Variants in SUPT20HL2 observed in about 807,000 individuals in gnomAD.
The protein encoded by SUPT20HL2 is SUPT20H like 2.
For missense variants in SUPT20HL2, 288 were observed against 127.4 expected, an observed-to-expected ratio of 2.26 and a Z score of -6.07; for synonymous variants, 125 against 51.6, an observed-to-expected ratio of 2.42 and a Z score of -6.10.
Position 24,312,611 on chromosome X carries a change from C to G in SUPT20HL2, c.705G>C (p.Met235Ile), listed in dbSNP as rs1404626492. 7.8e-6 allele frequency: 3 copies of G among 385,360 alleles called. No individual in the cohort carries two copies. Among genetic ancestry groups the G allele is most frequent in the Non-Finnish European group, 1.6e-5 (3 of 192,402 alleles). The allele number at this position is 385,360 out of a possible 1,213,427, so 31.8% of individuals were successfully genotyped here. A position where few individuals can be genotyped will look rare whatever the true frequency, so the allele number is the denominator to read the frequency against. ...ACGAATACCTCTGGAGGCACTGTTCCATCGGGTCGGTATTCATCTTTTGCT... is the reference window on the plus strand; with the variant it reads ...ACGAATACCTCTGGAGGCACTGTTCGATCGGGTCGGTATTCATCTTTTGCT... ...YNKQKMNTDP[M>I]EQCLQRYSWP... Residue 235 changes from methionine (M) to isoleucine (I), a missense_variant, in exon 1 of 1, where the codon ATG (methionine) becomes ATC (isoleucine). Coordinates refer to ENST00000486479, the MANE Select transcript of SUPT20HL2 (RefSeq NM_001136233.3).
rs1172345610 is a variant in SUPT20HL2 at position 24,309,084 on chromosome X, C to T, written c.*1778G>A. 1.8e-5 allele frequency among the ~76,000 whole-genome samples: 2 copies of T among 110,942 alleles called. No individual in the cohort carries two copies. Among genetic ancestry groups the T allele is most frequent in the Non-Finnish European group, 3.8e-5 (2 of 52,691 alleles). On this transcript the variant is annotated 3_prime_UTR_variant, in exon 1 of 1. Coordinates refer to ENST00000486479, the MANE Select transcript of SUPT20HL2 (RefSeq NM_001136233.3). ...ATGTCACGCTAGTGCTTAATGGGTA[C>T]AGAGATTGCTTGGTGGGTGATGAAA...
Position 24,313,859 on chromosome X carries a change from G to T in SUPT20HL2, c.-544C>A. The T allele has an allele frequency of 2.8e-6, 1 of 363,203 alleles. No individual in the cohort carries two copies. The highest frequency in any genetic ancestry group is 5.3e-6 in the Non-Finnish European group (1 of 189,060). 29.9% of individuals were successfully genotyped at this position (363,203 alleles called of 1,213,427 possible). ...TGAAAACATCGGTACCTGAGGGGTCGTCGTCGTGGTCGGACTTCGCGTCTC... is the reference window on the plus strand; with the variant it reads ...TGAAAACATCGGTACCTGAGGGGTCTTCGTCGTGGTCGGACTTCGCGTCTC... On this transcript the variant is annotated 5_prime_UTR_variant, in exon 1 of 1. Coordinates refer to ENST00000486479, the MANE Select transcript of SUPT20HL2 (RefSeq NM_001136233.3).
chrX:24,311,861 T>A lies in SUPT20HL2; in HGVS notation c.1455A>T (p.Ala485=), dbSNP rs1240298871. 1 of 348,019 alleles carries A rather than the reference T, an allele frequency of 2.9e-6. No homozygotes were observed. The highest frequency in any genetic ancestry group is 5.8e-6 in the Non-Finnish European group (1 of 173,161). The allele number at this position is 348,019 out of a possible 1,213,427, so 28.7% of individuals were successfully genotyped here. The change falls in exon 1 of 1, where the codon GCA becomes GCT. Residue 485 remains alanine, a synonymous_variant. Coordinates refer to ENST00000486479, the MANE Select transcript of SUPT20HL2 (RefSeq NM_001136233.3). ...GAAATGGACGCTTAAGAGGGCTGCC[T>A]GCCTGTTGTGGGGGAAAACTGTTAC... ...SSGNSFPPQQ[A]GSPLKRPFPA... is the part of the protein sequence containing the mutation.
Position 24,313,340 on chromosome X carries a change from G to C in SUPT20HL2, c.-25C>G. On this transcript the variant is annotated 5_prime_UTR_variant, in exon 1 of 1. Transcript: ENST00000486479. ...TTGTAACAGAAAACAGGGCCCCTAAGAGGAGAGAAAACGCATGTGCGTTGG... is the reference window on the plus strand; with the variant it reads ...TTGTAACAGAAAACAGGGCCCCTAACAGGAGAGAAAACGCATGTGCGTTGG... The C allele has an allele frequency of 3.0e-6, 1 of 336,666 alleles. No homozygotes were observed. Among genetic ancestry groups the C allele is most frequent in the Middle Eastern group, 4.8e-4 (1 of 2,092 alleles). 27.7% of individuals were successfully genotyped at this position (336,666 alleles called of 1,213,427 possible). A position where few individuals can be genotyped will look rare whatever the true frequency, so the allele number is the denominator to read the frequency against.
In SUPT20HL2 at chrX:24,310,341, G is replaced by A. The variant is rs1939111420; in HGVS notation, c.*521C>T. On this transcript the variant is annotated 3_prime_UTR_variant, in exon 1 of 1. Coordinates refer to ENST00000486479, the MANE Select transcript of SUPT20HL2 (RefSeq NM_001136233.3). Reference sequence around the variant, plus strand: ...ATGGGCATGAGTTTCAGTGTTGCAAGATGGTCTTGAGATCTGCGGCACAAC... The same window carrying A: ...ATGGGCATGAGTTTCAGTGTTGCAAAATGGTCTTGAGATCTGCGGCACAAC... Among the ~76,000 whole-genome samples the A allele has an allele frequency of 8.9e-6, 1 of 112,027 alleles. No individual in the cohort carries two copies. Among genetic ancestry groups the A allele is most frequent in the Admixed American group, 9.4e-5 (1 of 10,591 alleles).
rs777189848 is a variant in SUPT20HL2 at position 24,311,728 on chromosome X, C to A, written c.1588G>T (p.Ala530Ser). The change falls in exon 1 of 1, where the codon GCA becomes TCA. Residue 530 changes from alanine to serine, a missense_variant. Physicochemically the swap from Ala to Ser is moderately conservative, Grantham distance 99 (BLOSUM62 1). Coordinates refer to ENST00000486479, the MANE Select transcript of SUPT20HL2 (RefSeq NM_001136233.3). ...GAGGGCTTCTGAGAATGGCTTGGTG[C>A]CGCCCCACCGGCCGCCGCCGCCACA... is the stretch of plus-strand genomic sequence containing the variant. ...AAVAAAAGGA[A>S]PSHSQKPSVP... The A allele has an allele frequency of 2.2e-5, 8 of 360,855 alleles. No individual in the cohort carries two copies. Among genetic ancestry groups the A allele is most frequent in the South Asian group, 1.5e-4 (6 of 40,340 alleles). 29.7% of individuals were successfully genotyped at this position (360,855 alleles called of 1,213,427 possible). A position where few individuals can be genotyped will look rare whatever the true frequency, so the allele number is the denominator to read the frequency against.
At position 24,309,745 on chromosome X, in the gene SUPT20HL2, A is replaced by AT. The variant is rs1569195701; in HGVS notation, c.*1116_*1117insA. Among the ~76,000 whole-genome samples the AT allele has an allele frequency of 1.2e-4, 6 of 49,297 alleles. No homozygotes were observed. Among genetic ancestry groups the AT allele is most frequent in the African/African-American group, 5.0e-4 (6 of 11,896 alleles). The allele number at this position is 49,297 out of a possible 115,157, so 42.8% of individuals were successfully genotyped here. Reference sequence around the variant, plus strand: ...AAAAATAATAAAAATAAAAAAAAAAAGAAAAAAAAAAAAAAAAAAAAAAAC... The same window carrying AT: ...AAAAATAATAAAAATAAAAAAAAAAATGAAAAAAAAAAAAAAAAAAAAAAAC... On this transcript the variant is annotated 3_prime_UTR_variant, in exon 1 of 1. Coordinates refer to ENST00000486479, the MANE Select transcript of SUPT20HL2 (RefSeq NM_001136233.3).
Position 24,311,140 on chromosome X carries a change from C to CCTGGGG in SUPT20HL2, c.2170_2175dup (p.Pro724_Gln725dup), listed in dbSNP as rs1939120338. On this transcript the variant is annotated inframe_insertion, in exon 1 of 1. Transcript: ENST00000486479. ...GAGCCAAGCAGACTCAACACAGCAG[C>CCTGGGG]CTGGGGCTGGGGCTGCAGACCACTA... The CCTGGGG allele has an allele frequency of 2.7e-6, 1 of 372,318 alleles. No homozygotes were observed. The allele number at this position is 372,318 out of a possible 1,213,427, so 30.7% of individuals were successfully genotyped here.
Position 24,310,114 on chromosome X carries a change from A to T in SUPT20HL2, c.*748T>A, listed in dbSNP as rs1255322095. ...TTATGTACAGTGAGACCATTTTTAAAAAGCAATGACCTTCACATCACATGA... is the reference window on the plus strand; with the variant it reads ...TTATGTACAGTGAGACCATTTTTAATAAGCAATGACCTTCACATCACATGA... On this transcript the variant is annotated 3_prime_UTR_variant, in exon 1 of 1. Coordinates refer to ENST00000486479, the MANE Select transcript of SUPT20HL2 (RefSeq NM_001136233.3). Among the ~76,000 whole-genome samples the T allele has an allele frequency of 8.9e-6, 1 of 111,916 alleles. No homozygotes were observed. Among genetic ancestry groups the T allele is most frequent in the Non-Finnish European group, 1.9e-5 (1 of 53,247 alleles).
rs754730029 is a variant in SUPT20HL2, at chrX:24,310,929, C to A, written c.2387G>T (p.Gly796Val). The A allele has an allele frequency of 7.7e-6, 3 of 387,126 alleles. No homozygotes were observed. The highest frequency in any genetic ancestry group is 1.6e-5 in the Non-Finnish European group (3 of 192,594). The allele number at this position is 387,126 out of a possible 1,213,427, so 31.9% of individuals were successfully genotyped here. A position where few individuals can be genotyped will look rare whatever the true frequency, so the allele number is the denominator to read the frequency against. The change falls in exon 1 of 1, where the codon GGT becomes GTT. Residue 796 changes from glycine to valine, a missense_variant. Transcript: ENST00000486479. ...GAVQIVQPHPGVQAGSQLVGQ... is the reference protein window; with the variant it reads ...GAVQIVQPHPVVQAGSQLVGQ... ...TACCAACTGGCTCCCTGCTTGCACA[C>A]CTGGATGTGGCTGCACTATCTGAAC...
chrX:24,310,358 C>T lies in SUPT20HL2; in HGVS notation c.*504G>A, dbSNP rs183502843. ...TGTTGCAAGATGGTCTTGAGATCTG[C>T]GGCACAACCGTGGGGGTGGACTTAA... On this transcript the variant is annotated 3_prime_UTR_variant, in exon 1 of 1. Transcript: ENST00000486479. Among the ~76,000 whole-genome samples the T allele has an allele frequency of 1.4e-3, 161 of 111,939 alleles. No homozygotes were observed. The highest frequency in any genetic ancestry group is 4.4e-3 in the African/African-American group (135 of 30,810).
Position 24,312,650 on chromosome X carries a change from C to T in SUPT20HL2, c.666G>A (p.Arg222=), listed in dbSNP as rs773520432. 2.6e-6 allele frequency: 1 copy of T among 386,807 alleles called. No individual in the cohort carries two copies. Among genetic ancestry groups the T allele is most frequent in the Non-Finnish European group, 5.2e-6 (1 of 192,559 alleles). The allele number at this position is 386,807 out of a possible 1,213,427, so 31.9% of individuals were successfully genotyped here. Residue 222 remains arginine (R), a synonymous_variant, in exon 1 of 1, where the codon AGG becomes AGA. Coordinates refer to ENST00000486479, the MANE Select transcript of SUPT20HL2 (RefSeq NM_001136233.3). The part of the protein sequence containing the change: ...PSVAVACTAN[R]LLYNKQKMNT... The stretch of plus-strand genomic sequence containing the variant: ...TCATCTTTTGCTTGTTGTACAGCAG[C>T]CTGTTTGCAGTGCAGGCAACTGCTA...
In SUPT20HL2 at chrX:24,313,745, G is replaced by C. The variant is rs1289939227; in HGVS notation, c.-430C>G. 1 of 360,254 alleles carries C rather than the reference G, an allele frequency of 2.8e-6. No individual in the cohort carries two copies. The highest frequency in any genetic ancestry group is 5.3e-6 in the Non-Finnish European group (1 of 187,294). 29.7% of individuals were successfully genotyped at this position (360,254 alleles called of 1,213,427 possible). On this transcript the variant is annotated 5_prime_UTR_variant, in exon 1 of 1. Transcript: ENST00000486479. ...TGCGGCCTGGAACAGAAGTGAGCGG[G>C]AGGGCCGTGGTCAGCTTCTAGGCGC... is the stretch of plus-strand genomic sequence containing the variant.
Position 24,312,612 on chromosome X carries a change from A to C in SUPT20HL2, c.704T>G (p.Met235Arg). The C allele has an allele frequency of 2.6e-6, 1 of 386,834 alleles. No homozygotes were observed. The highest frequency in any genetic ancestry group is 2.5e-5 in the African/African-American group (1 of 39,699). 31.9% of individuals were successfully genotyped at this position (386,834 alleles called of 1,213,427 possible). A position where few individuals can be genotyped will look rare whatever the true frequency, so the allele number is the denominator to read the frequency against. Residue 235 changes from methionine (M) to arginine (R), a missense_variant, in exon 1 of 1, where the codon ATG (methionine) becomes AGG (arginine). Physicochemically the swap from Met to Arg is moderately conservative, Grantham distance 91. Coordinates refer to ENST00000486479, the MANE Select transcript of SUPT20HL2 (RefSeq NM_001136233.3). ...YNKQKMNTDP[M>R]EQCLQRYSWP... Reference sequence around the variant, plus strand: ...CGAATACCTCTGGAGGCACTGTTCCATCGGGTCGGTATTCATCTTTTGCTT... The same window carrying C: ...CGAATACCTCTGGAGGCACTGTTCCCTCGGGTCGGTATTCATCTTTTGCTT...
rs1569195686 is a variant in SUPT20HL2, at chrX:24,309,725, T to TAAAAAAAAAAAAAAAAAAAAAA, written c.*1136_*1137insTTTTTTTTTTTTTTTTTTTTTT. 5.9e-5 allele frequency among the ~76,000 whole-genome samples: 1 copy of TAAAAAAAAAAAAAAAAAAAAAA among 16,879 alleles called. No individual in the cohort carries two copies. Among genetic ancestry groups the TAAAAAAAAAAAAAAAAAAAAAA allele is most frequent in the Non-Finnish European group, 9.2e-5 (1 of 10,863 alleles). 14.7% of individuals were successfully genotyped at this position (16,879 alleles called of 115,157 possible). ...AAAATTAAAAAAAAAAAGAAAAAAA[T>TAAAAAAAAAAAAAAAAAAAAAA]AATAAAAATAAAAAAAAAAAGAAAA... On this transcript the variant is annotated 3_prime_UTR_variant, in exon 1 of 1. Coordinates refer to ENST00000486479, the MANE Select transcript of SUPT20HL2 (RefSeq NM_001136233.3).
rs191290686 is a variant in SUPT20HL2 at position 24,308,439 on chromosome X, A to G, written c.*2423T>C. 8.7e-4 allele frequency: 256 copies of G among 295,295 alleles called. No individual in the cohort carries two copies. Among genetic ancestry groups the G allele is most frequent in the Non-Finnish European group, 1.5e-3 (231 of 151,933 alleles). The allele number at this position is 295,295 out of a possible 1,213,427, so 24.3% of individuals were successfully genotyped here. A position where few individuals can be genotyped will look rare whatever the true frequency, so the allele number is the denominator to read the frequency against. ...TCATTGCACTCGTTCGCCTCTTAAA[A>G]GTGCAGGCACCATTCCCAATTATGT... is the stretch of plus-strand genomic sequence containing the variant. On this transcript the variant is annotated 3_prime_UTR_variant, in exon 1 of 1. Coordinates refer to ENST00000486479, the MANE Select transcript of SUPT20HL2 (RefSeq NM_001136233.3).
chrX:24,313,442 A>G lies in SUPT20HL2; in HGVS notation c.-127T>C, dbSNP rs776353199. 17 of 340,843 alleles carry G rather than the reference A, an allele frequency of 5.0e-5. No homozygotes were observed. Among genetic ancestry groups the G allele is most frequent in the East Asian group, 2.3e-4 (3 of 12,987 alleles). The allele number at this position is 340,843 out of a possible 1,213,427, so 28.1% of individuals were successfully genotyped here. A position where few individuals can be genotyped will look rare whatever the true frequency, so the allele number is the denominator to read the frequency against. On this transcript the variant is annotated 5_prime_UTR_variant, in exon 1 of 1. Coordinates refer to ENST00000486479, the MANE Select transcript of SUPT20HL2 (RefSeq NM_001136233.3). ...GCCGCAAGTCCACACTGAGTTCAACACGGGCACCTGCCCAGAAACCCGCCC... is the reference window on the plus strand; with the variant it reads ...GCCGCAAGTCCACACTGAGTTCAACGCGGGCACCTGCCCAGAAACCCGCCC...
rs1939102856 is a variant in SUPT20HL2, at chrX:24,309,748, A to G, written c.*1114T>C. 7.4e-5 allele frequency among the ~76,000 whole-genome samples: 1 copy of G among 13,427 alleles called. No homozygotes were observed. Among genetic ancestry groups the G allele is most frequent in the African/African-American group, 1.5e-4 (1 of 6,777 alleles). The allele number at this position is 13,427 out of a possible 115,157, so 11.7% of individuals were successfully genotyped here. On this transcript the variant is annotated 3_prime_UTR_variant, in exon 1 of 1. Coordinates refer to ENST00000486479, the MANE Select transcript of SUPT20HL2 (RefSeq NM_001136233.3). ...AATAATAAAAATAAAAAAAAAAAGA[A>G]AAAAAAAAAAAAAAAAAAAAACATC... is the stretch of plus-strand genomic sequence containing the variant.
Position 24,310,477 on chromosome X carries a change from G to A in SUPT20HL2, c.*385C>T, listed in dbSNP as rs1172997913. ...AAAAATTTTAAATTGCGCTCTTCTTGTTAAAATATTAACTTAAAATTAAAA... is the reference window on the plus strand; with the variant it reads ...AAAAATTTTAAATTGCGCTCTTCTTATTAAAATATTAACTTAAAATTAAAA... On this transcript the variant is annotated 3_prime_UTR_variant, in exon 1 of 1. Transcript: ENST00000486479. 1.8e-5 allele frequency among the ~76,000 whole-genome samples: 2 copies of A among 112,320 alleles called. No individual in the cohort carries two copies. Among genetic ancestry groups the A allele is most frequent in the Non-Finnish European group, 3.8e-5 (2 of 53,325 alleles).
Sources: allele counts gnomAD v4.1 joint callset (sites outside exome capture counted in the v4.1 genomes callset), GRCh38; gene constraint gnomAD v4.1.1; transcripts MANE v1.5; gene names NCBI Gene and HGNC (gene_info 2026-07-23, HGNC 2026-07-21).